VWA2: variants seen among roughly 807,000 people sequenced by gnomAD.
VWA2 encodes the protein von Willebrand factor A domain-containing protein 2.
VWA2 carries 73 observed loss-of-function variants against 70.4 expected under a neutral mutation model. That is an observed-to-expected ratio of 1.04 (90% confidence interval 0.86 to 1.26). The LOEUF is 1.26. VWA2 is among the 50% of genes most tolerant of loss of function. The pLI, the probability that VWA2 is intolerant of heterozygous loss-of-function variation, is 0.00. For missense variants in VWA2, 1,011 were observed against 998.5 expected (o/e 1.01, Z -0.17); for synonymous variants, 407 against 423.3 (o/e 0.96, Z 0.47).
At chr10:114,280,542 CTG>C (rs1395452523) in intron 8 of VWA2, among the ~76,000 whole-genome samples, 2 of 152,062 alleles carry the variant, frequency 1.3e-5, no homozygotes, top group Non-Finnish European at 2.9e-5. Context: ...GGGGGGCAAA[CTG>C]TGTGCAGGTC....
chr10:114,269,174 G>T (rs887104114), intron 5 of VWA2, among the ~76,000 whole-genome samples: 3 of 152,198 alleles, frequency 2.0e-5, no homozygotes, highest in African/African-American at 7.2e-5. Context: ...AACGTGAAGG[G>T]TAAGTACCGT....
At chr10:114,289,533 G>A (rs1285900513) in intron 12 of VWA2, 44 bp downstream of exon 12, 1 of 1,603,232 alleles carries the variant, frequency 6.2e-7, no homozygotes, top group East Asian at 2.2e-5. Context: ...CCCATGGCAG[G>A]CCCTCAGCCT....
At chr10:114,277,168 CTTTT>C (rs780326649) in intron 6 of VWA2, among the ~76,000 whole-genome samples, 16 of 61,220 alleles carry the variant, frequency 2.6e-4, no homozygotes, top group Admixed American at 5.6e-4. Flanking sequence ...GACTGCACGT[CTTTT>C]TTTTTTTTTT....
At chr10:114,285,051 C>A in intron 10 of VWA2, 81 bp downstream of exon 10, 1 of 1,175,850 alleles carries the variant, frequency 8.5e-7, no homozygotes, top group Non-Finnish European at 1.2e-6. Flanking sequence ...CACGCCCTTC[C>A]AGCTGCTGGG....
At chr10:114,252,519 A>G (rs2037219051) in intron 2 of VWA2, among the ~76,000 whole-genome samples, 1 of 152,146 alleles carries the variant, frequency 6.6e-6, no homozygotes, top group Admixed American at 6.5e-5. Flanking sequence ...AACGTGGGTC[A>G]TTGGTGTCAC....
intron 1 of VWA2, among the ~76,000 whole-genome samples, chr10:114,241,002 C>CA (rs1217192384): frequency 2.0e-5 from 3 of 152,320 alleles, no homozygotes; most frequent in Non-Finnish European, 2.9e-5. Context: ...TCAATAGGCA[C>CA]AAGCCCCTGG....
chr10:114,275,586 G>GT (rs1448060120), intron 6 of VWA2, among the ~76,000 whole-genome samples: 13 of 151,776 alleles, frequency 8.6e-5, no homozygotes, highest in Non-Finnish European at 1.5e-4. Flanking sequence ...TGTTTTTTTG[G>GT]TTTTTTTTCC....
At chr10:114,271,849 C>T (rs2037717496) in intron 5 of VWA2, among the ~76,000 whole-genome samples, 1 of 152,156 alleles carries the variant, frequency 6.6e-6, no homozygotes, top group Non-Finnish European at 1.5e-5. Flanking sequence ...CTGTTGATAA[C>T]CACAGTAATT....
chr10:114,247,905 T>A (rs775826260), intron 1 of VWA2, among the ~76,000 whole-genome samples: 1 of 152,046 alleles, frequency 6.6e-6, no homozygotes, highest in Non-Finnish European at 1.5e-5. Flanking sequence ...GTGTGGCTCC[T>A]GCATGGGTGG....
rs374601491 is a variant in VWA2, at chr10:114,277,898, C to T, written c.567-16C>T. On this transcript the variant is annotated splice_polypyrimidine_tract_variant and intron_variant, in intron 6 of 13. Coordinates refer to ENST00000392982, the MANE Select transcript of VWA2 (RefSeq NM_001272046.2). ...GTGGGTATAGGACCACAAGCTGTTACAACCCCTTGGCACAGGTGGGAGGAG... is the reference window on the plus strand; with the variant it reads ...GTGGGTATAGGACCACAAGCTGTTATAACCCCTTGGCACAGGTGGGAGGAG... 5.0e-6 allele frequency: 8 copies of T among 1,595,354 alleles called. No individual in the cohort carries two copies. Among genetic ancestry groups the T allele is most frequent in the Non-Finnish European group, 6.0e-6 (7 of 1,166,880 alleles).
At chr10:114,249,585 C>T (rs982163908) in intron 2 of VWA2, among the ~76,000 whole-genome samples, 11 of 152,090 alleles carry the variant, frequency 7.2e-5, no homozygotes, top group Admixed American at 5.2e-4. Flanking sequence ...TGAGAATATG[C>T]GGTGTTTGGT....
chr10:114,260,992 T>G (rs369889286), intron 4 of VWA2, among the ~76,000 whole-genome samples, 194 bp from the exon 5 acceptor site: 5 of 152,090 alleles, frequency 3.3e-5, no homozygotes, highest in Non-Finnish European at 7.4e-5. Flanking sequence ...CACAAACAGA[T>G]TTGGCTGTTT....
chr10:114,258,657 C>A (rs1166117503), intron 4 of VWA2, among the ~76,000 whole-genome samples: 2 of 152,168 alleles, frequency 1.3e-5, no homozygotes, highest in Non-Finnish European at 2.9e-5. Context: ...CTAAGTAATT[C>A]ATTCACATGG....
intron 1 of VWA2, chr10:114,246,629 G>A (rs1214043384): frequency 6.0e-6 from 9 of 1,509,386 alleles, no homozygotes; most frequent in Non-Finnish European, 8.3e-6. Flanking sequence ...CCAATGCTCA[G>A]AGAAGTACTT....
intron 10 of VWA2, 34 bp downstream of exon 10, chr10:114,285,004 T>G: frequency 6.6e-7 from 1 of 1,508,064 alleles, no homozygotes; most frequent in South Asian, 1.3e-5. Flanking sequence ...GACTGACCAC[T>G]GGGGAGCAAG....
chr10:114,266,328 C>T (rs1274712866), intron 5 of VWA2, among the ~76,000 whole-genome samples: 7 of 151,700 alleles, frequency 4.6e-5, no homozygotes, highest in Non-Finnish European at 7.4e-5. Context: ...TTTGTAGGTA[C>T]GTAGTAGGTA....
chr10:114,249,116 C>T lies in VWA2; in HGVS notation c.52+351C>T, dbSNP rs544715067. ...TGATGGTTTGCTGCACCTATCAACC[C>T]ATCACTTAGGTATTGAGCCCAGCAG... On this transcript the variant is annotated intron_variant, in intron 2 of 13. Transcript: ENST00000392982. 5.3e-4 allele frequency among the ~76,000 whole-genome samples: 80 copies of T among 152,112 alleles called. 1 individual carries two copies. The highest frequency in any genetic ancestry group is 1.9e-3 in the African/African-American group (77 of 41,472).
chr10:114,283,617 A>G (rs2038473807), intron 9 of VWA2, among the ~76,000 whole-genome samples: 1 of 152,222 alleles, frequency 6.6e-6, no homozygotes, highest in African/African-American at 2.4e-5. Context: ...GACCTGGGGC[A>G]TGTGACTTCT....
At chr10:114,288,791 C>A in intron 11 of VWA2, 147 bp from the exon 12 acceptor site, 2 of 766,566 alleles carry the variant, frequency 2.6e-6, no homozygotes, top group Non-Finnish European at 4.2e-6. Context: ...TGTTCTGTGG[C>A]TAAAAGGAAG....
Sources: allele counts gnomAD v4.1 joint callset (sites outside exome capture counted in the v4.1 genomes callset), GRCh38; gene constraint gnomAD v4.1.1; transcripts MANE v1.5; gene names NCBI Gene and HGNC (gene_info 2026-07-23, HGNC 2026-07-21).